Variants in PRMT2 observed in about 807,000 individuals in gnomAD.
PRMT2 encodes the protein protein arginine methyltransferase 2.
Under a neutral mutation model 57.6 loss-of-function variants are expected in PRMT2, and 26 were observed. The ratio of observed to expected loss-of-function variants is 0.45; its 90% CI spans 0.33 to 0.63. The LOEUF (loss-of-function observed/expected upper bound fraction) is 0.63. PRMT2 is among the 20% of genes least tolerant of loss of function. The pLI, the probability that PRMT2 is intolerant of heterozygous loss-of-function variation, is 0.02. For missense variants in PRMT2, 472 were observed against 564.4 expected (o/e 0.84, Z 1.66); for synonymous variants, 219 against 220.0 (o/e 1.00, Z 0.04).
chr21:46,644,243 T>C, intron 4 of PRMT2, 63 bp from the exon 5 acceptor site: 1 of 1,507,246 alleles, frequency 6.6e-7, no homozygotes. Flanking sequence ...GATTTATCAC[T>C]GAGCCACATT....
At chr21:46,659,179 G>A (rs755944217) in intron 8 of PRMT2, 3 of 1,212,202 alleles carry the variant, frequency 2.5e-6, no homozygotes, top group Non-Finnish European at 3.1e-6. Context: ...GATTAGGAGG[G>A]AGTGAGGGCC....
chr21:46,651,689 C>T, intron 7 of PRMT2: 1 of 1,191,264 alleles, frequency 8.4e-7, no homozygotes, highest in Non-Finnish European at 1.2e-6. Context: ...GACGGGGCTG[C>T]AAGAGTTCCT....
rs953871597 is a variant in PRMT2 at position 46,663,483 on chromosome 21, G to A, written c.1198G>A (p.Val400Met). The A allele has an allele frequency of 3.7e-6, 6 of 1,614,208 alleles. No homozygotes were observed. In the South Asian group the frequency reaches 6.6e-5, roughly 18 times the overall value. The change falls in exon 11 of 12, where the codon GTG becomes ATG. Residue 400 changes from valine (V) to methionine (M), a missense_variant. Coordinates refer to ENST00000355680, the MANE Select transcript of PRMT2 (RefSeq NM_206962.4). ...TTCAGTTGTGTTGCAGAGAAACCCA[G>A]TGTGGAGAAGGCACATGTCTGTGGC... is the stretch of plus-strand genomic sequence containing the variant. Reference protein sequence around the residue: ...TGSVVLQRNPVWRRHMSVALS... With the variant: ...TGSVVLQRNPMWRRHMSVALS...
intron 8 of PRMT2, chr21:46,659,828 T>A: frequency 1.0e-6 from 1 of 985,436 alleles, no homozygotes; most frequent in Non-Finnish European, 1.2e-6. Context: ...GGAGCACTGC[T>A]GTGTGTCTGT....
At chr21:46,642,604 A>G (rs925174231) in intron 3 of PRMT2, among the ~76,000 whole-genome samples, 1 of 152,248 alleles carries the variant, frequency 6.6e-6, no homozygotes, top group Non-Finnish European at 1.5e-5. Context: ...AACACGAATT[A>G]CTTTTATGTT....
At chr21:46,654,598 A>G (rs1007063227) in intron 7 of PRMT2, among the ~76,000 whole-genome samples, 2 of 152,250 alleles carry the variant, frequency 1.3e-5, no homozygotes, top group African/African-American at 4.8e-5. Context: ...GATACAACCT[A>G]CATGTATTGA....
rs1263318298 is a variant in PRMT2 at position 46,664,342 on chromosome 21, T to G, written c.*15T>G. 2.8e-5 allele frequency: 46 copies of G among 1,614,140 alleles called. No individual in the cohort carries two copies. The highest frequency in any genetic ancestry group is 3.9e-5 in the Non-Finnish European group (46 of 1,179,992). The stretch of plus-strand genomic sequence containing the variant: ...TCTGGAGATGACAGTTGATGCTTTA[T>G]TTGGAAAGCAGTGTGCATATCTTGA... On this transcript the variant is annotated 3_prime_UTR_variant, in exon 12 of 12. Coordinates refer to ENST00000355680, the MANE Select transcript of PRMT2 (RefSeq NM_206962.4).
At chr21:46,641,983 A>G (rs2061284950) in intron 3 of PRMT2, among the ~76,000 whole-genome samples, 2 of 152,196 alleles carry the variant, frequency 1.3e-5, no homozygotes, top group Non-Finnish European at 2.9e-5. Flanking sequence ...AAAAACGCCT[A>G]ACCACACAAA....
At chr21:46,642,771 C>T (rs1459120455) in intron 3 of PRMT2, among the ~76,000 whole-genome samples, 1 of 152,176 alleles carries the variant, frequency 6.6e-6, no homozygotes, top group Admixed American at 6.5e-5. Flanking sequence ...GCCTGTAGTC[C>T]TAGCACTTTG....
At position 46,644,500 on chromosome 21, in the gene PRMT2, T is replaced by C. The variant is rs1417748295; in HGVS notation, c.327+12T>C. 1 of 1,567,074 alleles carries C rather than the reference T, an allele frequency of 6.4e-7. No homozygotes were observed. ...GCTATGGAACTCTGGTATTGCTTTC[T>C]AAATTCCCTGTTCAGCTGGCCAGGC... On this transcript the variant is annotated intron_variant, in intron 5 of 11. Transcript: ENST00000355680.
rs747098275 is a variant in PRMT2 at position 46,663,440 on chromosome 21, A to G, written c.1155A>G (p.Thr385=). The G allele has an allele frequency of 1.2e-5, 20 of 1,614,214 alleles. No homozygotes were observed. The highest frequency in any genetic ancestry group is 1.7e-5 in the Non-Finnish European group (20 of 1,180,030). ...TGGACGACCCAGTCCCTGTCCATAC[A>G]GGAGACGTGGTCACGGGTTCAGTTG... The part of the protein sequence containing the change: ...FMMDDPVPVH[T]GDVVTGSVVL... Residue 385 remains threonine, a synonymous_variant, in exon 11 of 12, where the codon ACA becomes ACG. Transcript: ENST00000355680.
chr21:46,651,848 G>A, intron 7 of PRMT2: 1 of 1,612,996 alleles, frequency 6.2e-7, no homozygotes, highest in East Asian at 2.2e-5. Flanking sequence ...CTGCACCTGT[G>A]CGTCTGGCCC....
chr21:46,635,910 GC>G (rs1433353051), intron 1 of PRMT2, 147 bp downstream of exon 1: 3 of 152,354 alleles, frequency 2.0e-5, no homozygotes, highest in East Asian at 3.9e-4. Context: ...CGCGATCTCA[GC>G]CACTTTCCCT....
rs115825775 is a variant in PRMT2 at position 46,637,429 on chromosome 21, A to G, written c.39+439A>G. Among the ~76,000 whole-genome samples the G allele has an allele frequency of 8.9e-3, 1,354 of 152,256 alleles. 14 individuals are homozygous for G. Among genetic ancestry groups the G allele is most frequent in the African/African-American group, 0.032 (1,310 of 41,522 alleles). ...GTTAGCAGTAAAAAATACCCCTCAA[A>G]TTGTAAAGACTGTTGATTATGTAAA... On this transcript the variant is annotated intron_variant, in intron 3 of 11. Coordinates refer to ENST00000355680, the MANE Select transcript of PRMT2 (RefSeq NM_206962.4).
At chr21:46,663,049 T>C (rs2061654730) in intron 10 of PRMT2, among the ~76,000 whole-genome samples, 1 of 152,178 alleles carries the variant, frequency 6.6e-6, no homozygotes. Flanking sequence ...CCGCATCCTC[T>C]GGGCCACCCA....
At chr21:46,647,202 C>G (rs1369717913) in intron 5 of PRMT2, among the ~76,000 whole-genome samples, 2 of 152,064 alleles carry the variant, frequency 1.3e-5, no homozygotes, top group Non-Finnish European at 2.9e-5. Flanking sequence ...GATTGATTAT[C>G]TTTTATGTGT....
intron 7 of PRMT2, chr21:46,657,105 T>C (rs1013364672): frequency 2.0e-5 from 3 of 152,094 alleles, no homozygotes; most frequent in African/African-American, 4.8e-5. Flanking sequence ...CACAGTGAGA[T>C]ATCACTTACA....
At chr21:46,654,566 A>G (rs1032034278) in intron 7 of PRMT2, among the ~76,000 whole-genome samples, 1 of 152,228 alleles carries the variant, frequency 6.6e-6, no homozygotes, top group Non-Finnish European at 1.5e-5. Context: ...ACGGTCAAGT[A>G]TCTGTGGGCT....
chr21:46,641,347 A>G (rs796171017), intron 3 of PRMT2, among the ~76,000 whole-genome samples: 3 of 152,318 alleles, frequency 2.0e-5, no homozygotes, highest in African/African-American at 7.2e-5. Flanking sequence ...GTAGTAAATC[A>G]GGGTTCTAAC....
Sources: allele counts gnomAD v4.1 joint callset (sites outside exome capture counted in the v4.1 genomes callset), GRCh38; gene constraint gnomAD v4.1.1; transcripts MANE v1.5; gene names NCBI Gene and HGNC (gene_info 2026-07-23, HGNC 2026-07-21).